GULP1: variants seen among roughly 807,000 people sequenced by gnomAD.
GULP1 encodes PTB domain-containing engulfment adapter protein 1.
Under a neutral mutation model 40.9 loss-of-function variants are expected in GULP1, and 19 were observed. That is an observed-to-expected ratio of 0.46 (90% CI 0.32 to 0.68). The LOEUF is 0.68. Among genes scored for constraint, GULP1 ranks in the 30% least tolerant of loss-of-function variants. GULP1 has a pLI of 0.03. For synonymous variants in GULP1, 119 were observed against 117.6 expected (o/e 1.01, Z -0.08); for missense variants, 312 against 362.2 (o/e 0.86, Z 1.12).
At chr2:188,385,400 C>T (rs943596991) in intron 2 of GULP1, among the ~76,000 whole-genome samples, 1 of 152,142 alleles carries the variant, frequency 6.6e-6, no homozygotes, top group African/African-American at 2.4e-5. Flanking sequence ...CTTCGTAAAG[C>T]AGAGGGACCC....
chr2:188,485,021 A>T (rs903219081), intron 4 of GULP1, among the ~76,000 whole-genome samples: 1 of 152,122 alleles, frequency 6.6e-6, no homozygotes, highest in African/African-American at 2.4e-5. Flanking sequence ...AGCTATTGGT[A>T]TACTATATGA....
intron 1 of GULP1, among the ~76,000 whole-genome samples, chr2:188,363,824 A>G (rs1329132404): frequency 3.3e-5 from 5 of 152,134 alleles, no homozygotes; most frequent in African/African-American, 1.2e-4. Context: ...CAGCTTTAGC[A>G]CTCATGAAAA....
intron 7 of GULP1, among the ~76,000 whole-genome samples, chr2:188,568,065 A>G (rs969517815): frequency 6.6e-6 from 1 of 151,956 alleles, no homozygotes; most frequent in Non-Finnish European, 1.5e-5. Flanking sequence ...TTAAAATATT[A>G]TGTACATATT....
intron 1 of GULP1, among the ~76,000 whole-genome samples, chr2:188,381,968 C>T (rs1559173484): frequency 6.6e-6 from 1 of 152,128 alleles, no homozygotes. Context: ...AATAGTGTTA[C>T]TGAGTAAGCA....
chr2:188,327,990 A>G (rs2041000522), intron 1 of GULP1, among the ~76,000 whole-genome samples: 1 of 152,106 alleles, frequency 6.6e-6, no homozygotes, highest in African/African-American at 2.4e-5. Flanking sequence ...GCCCAGAGTG[A>G]TGAGTAAAAG....
intron 2 of GULP1, among the ~76,000 whole-genome samples, chr2:188,390,219 AC>A (rs1266429724): frequency 6.6e-6 from 1 of 152,096 alleles, no homozygotes; most frequent in Non-Finnish European, 1.5e-5. Flanking sequence ...TAGATATTGT[AC>A]TGATTTACAT....
chr2:188,296,766 C>T (rs545391798), intron 1 of GULP1, among the ~76,000 whole-genome samples: 2 of 152,050 alleles, frequency 1.3e-5, no homozygotes, highest in East Asian at 3.9e-4. Context: ...ATCTAGATAT[C>T]AATACCTGCC....
At chr2:188,532,446 C>T (rs534917256) in intron 6 of GULP1, among the ~76,000 whole-genome samples, 2 of 152,118 alleles carry the variant, frequency 1.3e-5, no homozygotes, top group African/African-American at 2.4e-5. Flanking sequence ...CTACCACCTA[C>T]GTTTATAGGG....
intron 11 of GULP1, chr2:188,590,664 A>C (rs778602423): frequency 6.6e-6 from 1 of 152,210 alleles, no homozygotes; most frequent in Non-Finnish European, 1.5e-5. Context: ...TTTGAAATCA[A>C]TAATGTAGCT....
chr2:188,482,068 TC>T (rs1463708711), intron 3 of GULP1, among the ~76,000 whole-genome samples: 8 of 151,930 alleles, frequency 5.3e-5, no homozygotes, highest in Non-Finnish European at 1.2e-4. Flanking sequence ...TCAAAATATT[TC>T]ACCCAAGTAT....
intron 2 of GULP1, among the ~76,000 whole-genome samples, chr2:188,476,942 A>G (rs532457017): frequency 1.4e-4 from 21 of 152,248 alleles, no homozygotes; most frequent in African/African-American, 4.8e-4. Context: ...AAATGGAAAT[A>G]TCTCAATTGG....
At chr2:188,306,268 G>C (rs913085500) in intron 1 of GULP1, among the ~76,000 whole-genome samples, 2 of 152,016 alleles carry the variant, frequency 1.3e-5, no homozygotes, top group African/African-American at 4.8e-5. Context: ...GAACATTTCA[G>C]CCCTTAGGGT....
chr2:188,564,069 A>G (rs1576132418), intron 7 of GULP1, among the ~76,000 whole-genome samples: 1 of 152,082 alleles, frequency 6.6e-6, no homozygotes, highest in East Asian at 1.9e-4. Flanking sequence ...AATTTAACCC[A>G]TTGCTGATAA....
chr2:188,417,212 A>G (rs542994525), intron 2 of GULP1, among the ~76,000 whole-genome samples: 12 of 152,332 alleles, frequency 7.9e-5, no homozygotes, highest in East Asian at 7.7e-4. Flanking sequence ...CTCTTAGGAC[A>G]TGATGTGGCT....
intron 4 of GULP1, among the ~76,000 whole-genome samples, chr2:188,501,809 G>A (rs535391005): frequency 1.3e-5 from 2 of 152,020 alleles, no homozygotes; most frequent in South Asian, 2.1e-4. Flanking sequence ...CTGATGAGTA[G>A]TTTCTAGCAA....
intron 1 of GULP1, among the ~76,000 whole-genome samples, chr2:188,353,326 A>T (rs377349448): frequency 6.6e-6 from 1 of 152,104 alleles, no homozygotes; most frequent in African/African-American, 2.4e-5. Flanking sequence ...ACAGGTTATG[A>T]TGATCTTATT....
At position 188,468,826 on chromosome 2, in the gene GULP1, G is replaced by A. The variant is rs552828219; in HGVS notation, c.-44-8833G>A. Among the ~76,000 whole-genome samples, 31 of 152,204 alleles carry A rather than the reference G, an allele frequency of 2.0e-4. 1 individual carries two copies. In the South Asian group the frequency reaches 6.4e-3, roughly 32 times the overall value. On this transcript the variant is annotated intron_variant, in intron 2 of 11. Transcript: ENST00000409830. Reference sequence around the variant, plus strand: ...CTTTATTGGAAAGGATGTTTGCAACGAGGGGAGGGGGGCAATTGCAATAAG... The same window carrying A: ...CTTTATTGGAAAGGATGTTTGCAACAAGGGGAGGGGGGCAATTGCAATAAG...
intron 2 of GULP1, among the ~76,000 whole-genome samples, chr2:188,443,433 A>C (rs1486483887): frequency 6.6e-6 from 1 of 152,328 alleles, no homozygotes; most frequent in African/African-American, 2.4e-5. Flanking sequence ...AGGACTCCCT[A>C]TGGTATTTAA....
intron 9 of GULP1, among the ~76,000 whole-genome samples, chr2:188,578,020 T>G (rs991401306): frequency 6.6e-6 from 1 of 151,934 alleles, no homozygotes; most frequent in African/African-American, 2.4e-5. Context: ...ATTTCTTAAT[T>G]TAATTATAAA....
Sources: allele counts gnomAD v4.1 joint callset (sites outside exome capture counted in the v4.1 genomes callset), GRCh38; gene constraint gnomAD v4.1.1; transcripts MANE v1.5; gene names NCBI Gene and HGNC (gene_info 2026-07-23, HGNC 2026-07-21).